Variants in MARCHF8 observed in about 807,000 individuals in gnomAD.
The protein encoded by MARCHF8 is membrane associated ring-CH-type finger 8, also known as E3 ubiquitin-protein ligase MARCHF8.
Under a neutral mutation model 51.6 loss-of-function variants are expected in MARCHF8, and 40 were observed. The observed-to-expected ratio is 0.77, with a 90% CI of 0.60 to 1.01. MARCHF8 has a LOEUF of 1.01. Among genes scored for constraint, MARCHF8 ranks in the 50% least tolerant of loss-of-function variants. The probability of loss-of-function intolerance (pLI) is 0.00; values close to 1 mark genes in which losing one functional copy is unlikely to be tolerated. For missense variants in MARCHF8, 685 were observed against 708.6 expected (o/e 0.97, Z 0.38); for synonymous variants, 263 against 280.3 (o/e 0.94, Z 0.62).
At chr10:45,495,250 T>C (rs1564484316) in intron 2 of MARCHF8, among the ~76,000 whole-genome samples, 1 of 152,146 alleles carries the variant, frequency 6.6e-6, no homozygotes, top group Non-Finnish European at 1.5e-5. Flanking sequence ...TCTTAATTCA[T>C]TTAGCATTAG....
chr10:45,533,910 G>A (rs1353083762), intron 1 of MARCHF8, among the ~76,000 whole-genome samples: 3 of 152,226 alleles, frequency 2.0e-5, no homozygotes, highest in Admixed American at 6.5e-5. Context: ...TGGGCCGGGT[G>A]CGGTGGCTCA....
intron 3 of MARCHF8, among the ~76,000 whole-genome samples, chr10:45,484,531 G>C (rs1008313289): frequency 6.6e-6 from 1 of 152,116 alleles, no homozygotes; most frequent in Non-Finnish European, 1.5e-5. Flanking sequence ...TTTTCCAAGG[G>C]GGGACATTCT....
intron 1 of MARCHF8, among the ~76,000 whole-genome samples, chr10:45,583,754 T>C (rs1175420211): frequency 1.3e-5 from 2 of 152,180 alleles, no homozygotes; most frequent in African/African-American, 2.4e-5. Flanking sequence ...AGTATTTGAC[T>C]TTTTTAGCAT....
chr10:45,498,485 C>CT (rs35238918), intron 2 of MARCHF8, among the ~76,000 whole-genome samples: 34,795 of 148,228 alleles, frequency 0.23, 4,171 homozygotes, highest in Admixed American at 0.3. Context: ...TGTCAGAAGC[C>CT]TTTTTTTTTT....
At chr10:45,475,510 G>A (rs1264390170) in intron 3 of MARCHF8, among the ~76,000 whole-genome samples, 1 of 152,162 alleles carries the variant, frequency 6.6e-6, no homozygotes, top group African/African-American at 2.4e-5. Context: ...CATACTGCCT[G>A]GGCATCTGAG....
chr10:45,499,570 T>C (rs1477101177), intron 2 of MARCHF8, among the ~76,000 whole-genome samples: 2 of 152,206 alleles, frequency 1.3e-5, no homozygotes, highest in Non-Finnish European at 2.9e-5. Flanking sequence ...TAGTTTTAAG[T>C]CTTAGATCCA....
chr10:45,511,329 T>A (rs2043497270), intron 2 of MARCHF8, among the ~76,000 whole-genome samples: 1 of 152,164 alleles, frequency 6.6e-6, no homozygotes, highest in Non-Finnish European at 1.5e-5. Context: ...TCAATATAAG[T>A]CAGAATTCAT....
intron 2 of MARCHF8, among the ~76,000 whole-genome samples, chr10:45,524,126 C>T (rs976525224): frequency 5.7e-4 from 87 of 152,176 alleles, no homozygotes; most frequent in African/African-American, 1.8e-3. Flanking sequence ...TAGATGTAGC[C>T]GTTCAAATGG....
chr10:45,557,116 C>CTTTTTTT (rs58172142), intron 1 of MARCHF8, among the ~76,000 whole-genome samples: 1 of 66,218 alleles, frequency 1.5e-5, no homozygotes, highest in Non-Finnish European at 2.8e-5. Flanking sequence ...GGTGCCTATT[C>CTTTTTTT]TTTTTTTTTT....
chr10:45,541,321 C>CA (rs1277259064), intron 1 of MARCHF8, among the ~76,000 whole-genome samples: 3 of 151,840 alleles, frequency 2.0e-5, no homozygotes, highest in Admixed American at 6.6e-5. Flanking sequence ...ATTGCAAGGA[C>CA]AAAAAACCAA....
At chr10:45,508,489 AG>A (rs1406823372) in intron 2 of MARCHF8, among the ~76,000 whole-genome samples, 3 of 152,194 alleles carry the variant, frequency 2.0e-5, no homozygotes, top group African/African-American at 7.2e-5. Flanking sequence ...TGCACTGTAT[AG>A]CTGTTATCAC....
intron 1 of MARCHF8, among the ~76,000 whole-genome samples, chr10:45,574,109 C>T (rs1468168942): frequency 2.0e-5 from 3 of 151,624 alleles, no homozygotes; most frequent in Non-Finnish European, 4.4e-5. Flanking sequence ...GTATAGTATA[C>T]CTCTACTCCC....
rs185162175 is a variant in MARCHF8, at chr10:45,463,889, G to T, written c.350C>A (p.Thr117Lys). ...CTGTAATGTGTCCTTACAGATAACTGTCACAGTGAGCCCTTGTGTCAGAGA... is the reference window on the plus strand; with the variant it reads ...CTGTAATGTGTCCTTACAGATAACTTTCACAGTGAGCCCTTGTGTCAGAGA... ...QSSLTQGLTVTVICKDTLQAS... is the reference protein window; with the variant it reads ...QSSLTQGLTVKVICKDTLQAS... The change falls in exon 5 of 8, where the codon ACA becomes AAA. Residue 117 changes from threonine (T) to lysine (K), a missense_variant. Transcript: ENST00000453424. 368 of 1,536,976 alleles carry T rather than the reference G, an allele frequency of 2.4e-4. 1 individual carries two copies. The African/African-American group carries it at 4.2e-3, about 18-fold the overall frequency.
intron 1 of MARCHF8, among the ~76,000 whole-genome samples, chr10:45,559,528 G>A (rs569819024): frequency 1.1e-3 from 168 of 152,124 alleles, no homozygotes; most frequent in Non-Finnish European, 1.3e-3. Context: ...GCTAATGTTT[G>A]TATTTTTTAG....
intron 2 of MARCHF8, among the ~76,000 whole-genome samples, chr10:45,508,163 T>C (rs2043422589): frequency 6.6e-6 from 1 of 152,162 alleles, no homozygotes; most frequent in Non-Finnish European, 1.5e-5. Context: ...GCACCTATGA[T>C]CTGATTCCTA....
At chr10:45,550,815 T>TCCC (rs2044186509) in intron 1 of MARCHF8, among the ~76,000 whole-genome samples, 1 of 152,158 alleles carries the variant, frequency 6.6e-6, no homozygotes, top group East Asian at 1.9e-4. Context: ...CAAAACATGT[T>TCCC]CCCCTTTCCC....
chr10:45,531,927 A>G (rs991465005), intron 2 of MARCHF8, among the ~76,000 whole-genome samples: 2 of 152,196 alleles, frequency 1.3e-5, no homozygotes, highest in Admixed American at 6.5e-5. Context: ...TTACCTTTCA[A>G]ATCAAACCTG....
intron 1 of MARCHF8, among the ~76,000 whole-genome samples, chr10:45,559,201 A>G (rs987145907): frequency 6.6e-6 from 1 of 152,268 alleles, no homozygotes; most frequent in Non-Finnish European, 1.5e-5. Context: ...GTAAGAATGA[A>G]TGCCATAACA....
chr10:45,533,333 A>G lies in MARCHF8; in HGVS notation c.-78-44T>C, dbSNP rs773012641. 4.8e-6 allele frequency: 6 copies of G among 1,245,086 alleles called. No homozygotes were observed. The Admixed American group carries it at 1.1e-4, about 22-fold the overall frequency. The allele number at this position is 1,245,086 out of a possible 1,614,324, so 77.1% of individuals were successfully genotyped here. On this transcript the variant is annotated intron_variant, in intron 1 of 7. Coordinates refer to ENST00000453424, the MANE Select transcript of MARCHF8 (RefSeq NM_001282866.2). ...AGAATAAACATAACTCAGCTAAAACACTTTAAATTTCCAAGAGTGAGCTTA... is the reference window on the plus strand; with the variant it reads ...AGAATAAACATAACTCAGCTAAAACGCTTTAAATTTCCAAGAGTGAGCTTA...
Sources: gnomAD v4.1 joint callset for allele counts (sites outside exome capture counted in the v4.1 genomes callset) on GRCh38, gnomAD v4.1.1 for gene constraint, MANE v1.5 for transcripts, NCBI Gene and HGNC (gene_info 2026-07-23, HGNC 2026-07-21) for gene names.